FREM1: variants seen among roughly 807,000 people sequenced by gnomAD.
FREM1 encodes FRAS1 related extracellular matrix 1.
In FREM1, 220 loss-of-function variants were observed where a neutral mutation model predicts 210.1. That is an observed-to-expected ratio of 1.05 (90% CI 0.94 to 1.17). The LOEUF (loss-of-function observed/expected upper bound fraction) is 1.17. Ranked by LOEUF, FREM1 falls within the 50% of genes most tolerant of loss-of-function variation. The pLI is 0.00. For synonymous variants in FREM1, 1,189 were observed against 980.2 expected, an observed-to-expected ratio of 1.21 and a Z score of -3.98; for missense variants, 3,454 against 2,675.5, an observed-to-expected ratio of 1.29 and a Z score of -6.42.
rs1564098947 is a variant in FREM1, at chr9:14,860,571, A to ATGTGTGTATATATATATGTG, written c.330-1088_330-1087insCACATATATATATACACACA. Among the ~76,000 whole-genome samples, 411 of 127,808 alleles carry ATGTGTGTATATATATATGTG rather than the reference A, an allele frequency of 3.2e-3. 16 individuals carry two copies. The highest frequency in any genetic ancestry group is 0.014 in the African/African-American group (388 of 28,488). The allele number at this position is 127,808 out of a possible 152,430, so 83.8% of individuals were successfully genotyped here. A position where few individuals can be genotyped will look rare whatever the true frequency, so the allele number is the denominator to read the frequency against. The stretch of plus-strand genomic sequence containing the variant: ...CATATATATACACACATATATATAC[A>ATGTGTGTATATATATATGTG]CATATATATACACATATATATACAT... On this transcript the variant is annotated intron_variant, in intron 3 of 36. Coordinates refer to ENST00000380880, the MANE Select transcript of FREM1 (RefSeq NM_001379081.2).
chr9:14,845,429 C>G (rs949191352), intron 8 of FREM1, among the ~76,000 whole-genome samples: 4 of 152,110 alleles, frequency 2.6e-5, no homozygotes, highest in African/African-American at 7.2e-5. Context: ...CTCAGCCTCC[C>G]AAGTAGTTGG....
Position 14,801,771 on chromosome 9 carries a change from C to A in FREM1, c.3575G>T (p.Arg1192Leu), listed in dbSNP as rs79023327. 2 of 1,613,764 alleles carry A rather than the reference C, an allele frequency of 1.2e-6. No individual in the cohort carries two copies. Among genetic ancestry groups the A allele is most frequent in the African/African-American group, 1.3e-5 (1 of 74,904 alleles). The change falls in exon 20 of 37, where the codon CGC becomes CTC. Residue 1192 changes from arginine (R) to leucine (L), a missense_variant. Coordinates refer to ENST00000380880, the MANE Select transcript of FREM1 (RefSeq NM_001379081.2). ...CCCCCTATCGATGAGGAGGCCATGG[C>A]GTGGCTTTTGAGTGATGCTGAACAG... ...ALLFSITQKP[R>L]HGLLIDRGFS...
rs117524733 is a variant in FREM1, at chr9:14,765,095, T to A, written c.5204+4629A>T. 1.1e-3 allele frequency among the ~76,000 whole-genome samples: 169 copies of A among 152,358 alleles called. 7 individuals carry two copies. The East Asian group carries it at 0.029, about 26-fold the overall frequency. On this transcript the variant is annotated intron_variant, in intron 27 of 36. Transcript: ENST00000380880. Reference sequence around the variant, plus strand: ...AATTGTGATTAAATTACTATCCTTATAACTATATCTTCATTTATAATCAAG... The same window carrying A: ...AATTGTGATTAAATTACTATCCTTAAAACTATATCTTCATTTATAATCAAG...
intron 1 of FREM1, among the ~76,000 whole-genome samples, chr9:14,883,004 C>A (rs1436061851): frequency 6.7e-6 from 1 of 150,168 alleles, no homozygotes. Flanking sequence ...TAATTACAAA[C>A]CCCCATACAA....
intron 15 of FREM1, among the ~76,000 whole-genome samples, chr9:14,815,076 C>T (rs970272718): frequency 2.6e-5 from 4 of 152,140 alleles, no homozygotes; most frequent in African/African-American, 9.7e-5. Context: ...TCCCAAAGGC[C>T]ATTATGAGGA....
rs559569540 is a variant in FREM1, at chr9:14,746,887, G to T, written c.6138+36C>A. ...ATTAGCTTATCATAGAGCACATTGC[G>T]AATAAAGGTGCTTGGCTGCTCAGCC... On this transcript the variant is annotated intron_variant, in intron 34 of 36. Transcript: ENST00000380880. The T allele has an allele frequency of 2.5e-6, 4 of 1,604,900 alleles. No individual in the cohort carries two copies. In the Admixed American group the frequency reaches 6.8e-5, roughly 27 times the overall value.
chr9:14,895,396 T>C (rs1029346394), intron 1 of FREM1, among the ~76,000 whole-genome samples: 2 of 152,182 alleles, frequency 1.3e-5, no homozygotes, highest in Non-Finnish European at 2.9e-5. Flanking sequence ...AGTATTTTTC[T>C]GCAATTTAGA....
At chr9:14,842,207 AC>A in intron 9 of FREM1, 108 bp downstream of exon 9, 1 of 676,404 alleles carries the variant, frequency 1.5e-6, no homozygotes, top group Non-Finnish European at 2.6e-6. Flanking sequence ...CTTGATGTTC[AC>A]CTTAGGACAA....
rs116780116 is a variant in FREM1, at chr9:14,854,563, T to C, written c.829-2956A>G. Among the ~76,000 whole-genome samples the C allele has an allele frequency of 5.7e-3, 872 of 152,214 alleles. 6 individuals carry two copies. The highest frequency in any genetic ancestry group is 0.02 in the African/African-American group (822 of 41,580). ...TTACAAATAACATTATATTTAATAT[T>C]GTTCTTCTCAAACCAGTGGGGAATA... is the stretch of plus-strand genomic sequence containing the variant. On this transcript the variant is annotated intron_variant, in intron 5 of 36. Coordinates refer to ENST00000380880, the MANE Select transcript of FREM1 (RefSeq NM_001379081.2).
chr9:14,867,897 A>G (rs1302758247), intron 2 of FREM1, among the ~76,000 whole-genome samples: 1 of 152,188 alleles, frequency 6.6e-6, no homozygotes, highest in African/African-American at 2.4e-5. Flanking sequence ...ACTTTAAGCA[A>G]AAACAGTGTT....
chr9:14,819,322 G>T lies in FREM1; in HGVS notation c.2458C>A (p.Pro820Thr), dbSNP rs753249073. The change falls in exon 14 of 37, where the codon CCT becomes ACT. Residue 820 changes from proline (P) to threonine (T), a missense_variant. Coordinates refer to ENST00000380880, the MANE Select transcript of FREM1 (RefSeq NM_001379081.2). ...DNIDLSLREL[P>T]LHGRVELNGF... ...TTCAGCTCCACCCTTCCGTGCAGAGGCAATTCCCGCAGGGAGAGGTCAATA... is the reference window on the plus strand; with the variant it reads ...TTCAGCTCCACCCTTCCGTGCAGAGTCAATTCCCGCAGGGAGAGGTCAATA... 1 of 1,613,822 alleles carries T rather than the reference G, an allele frequency of 6.2e-7. No individual in the cohort carries two copies. The highest frequency in any genetic ancestry group is 1.7e-5 in the Admixed American group (1 of 60,004).
chr9:14,752,849 C>A (rs1457240255), intron 29 of FREM1, among the ~76,000 whole-genome samples: 1 of 151,886 alleles, frequency 6.6e-6, no homozygotes, highest in Non-Finnish European at 1.5e-5. Flanking sequence ...ATAGTACCCC[C>A]CAAACAAACA....
At chr9:14,795,077 A>C (rs984671685) in intron 21 of FREM1, among the ~76,000 whole-genome samples, 1 of 152,110 alleles carries the variant, frequency 6.6e-6, no homozygotes, top group African/African-American at 2.4e-5. Context: ...GCAGAAATGG[A>C]ACTCTTCCAA....
rs539318157 is a variant in FREM1 at position 14,844,318 on chromosome 9, C to T, written c.1393+1642G>A. On this transcript the variant is annotated intron_variant, in intron 8 of 36. Coordinates refer to ENST00000380880, the MANE Select transcript of FREM1 (RefSeq NM_001379081.2). ...TCAGCTCACTGCAACCTCCACCTCC[C>T]GGGTTCAAACGATTCTCTTGCCTCA... Among the ~76,000 whole-genome samples the T allele has an allele frequency of 2.0e-5, 3 of 152,058 alleles. No homozygotes were observed. The South Asian group carries it at 6.2e-4, about 32-fold the overall frequency.
At chr9:14,817,833 C>T (rs948503082) in intron 14 of FREM1, among the ~76,000 whole-genome samples, 9 of 152,122 alleles carry the variant, frequency 5.9e-5, no homozygotes, top group Admixed American at 2.0e-4. Context: ...GATCCTCTCA[C>T]GCACTACCCG....
rs564609817 is a variant in FREM1 at position 14,813,057 on chromosome 9, G to A, written c.2648C>T (p.Pro883Leu). The change falls in exon 16 of 37, where the codon CCT (proline) becomes CTT (leucine). Residue 883 changes from proline (P) to leucine (L), a missense_variant. Transcript: ENST00000380880. ...TAAGACTGGTGGCTCATCGTTGACA[G>A]GGAATACCTAGGCAATGGAAAAAAT... Reference protein sequence around the residue: ...AEFVLHVEVFPVNDEPPVLKA... With the variant: ...AEFVLHVEVFLVNDEPPVLKA... The A allele has an allele frequency of 6.2e-7, 1 of 1,606,752 alleles. No homozygotes were observed.
intron 10 of FREM1, among the ~76,000 whole-genome samples, chr9:14,826,083 A>C (rs2130864152): frequency 1.4e-5 from 2 of 148,056 alleles, no homozygotes; most frequent in South Asian, 4.2e-4. Flanking sequence ...CTTTCAATAT[A>C]CACTCTTTCT....
chr9:14,860,737 A>ACGCACATATATG (rs1829835593), intron 3 of FREM1, among the ~76,000 whole-genome samples: 1 of 117,316 alleles, frequency 8.5e-6, no homozygotes, highest in African/African-American at 3.6e-5. Flanking sequence ...ACACATATAT[A>ACGCACATATATG]CACATATATA....
intron 7 of FREM1, among the ~76,000 whole-genome samples, chr9:14,848,279 A>ATTTTTT (rs928416722): frequency 2.0e-5 from 3 of 152,240 alleles, no homozygotes; most frequent in African/African-American, 7.2e-5. Flanking sequence ...GCAGCCCAAC[A>ATTTTTT]TAAAAATAGA....
Sources: allele counts gnomAD v4.1 joint callset (sites outside exome capture counted in the v4.1 genomes callset), GRCh38; gene constraint gnomAD v4.1.1; transcripts MANE v1.5; gene names NCBI Gene and HGNC (gene_info 2026-07-23, HGNC 2026-07-21).